HOXD3: variants seen among roughly 807,000 people sequenced by gnomAD.
HOXD3 encodes the protein homeobox D3.
HOXD3 carries 13 observed loss-of-function variants against 32.8 expected under a neutral mutation model. The ratio of observed to expected loss-of-function variants is 0.40; its 90% CI spans 0.26 to 0.63. The LOEUF (loss-of-function observed/expected upper bound fraction) is 0.63, where lower values mean the gene tolerates loss of function less well. HOXD3 is among the 20% of genes least tolerant of loss of function. HOXD3 has a pLI of 0.44. For missense variants in HOXD3, 504 were observed against 577.1 expected, an observed-to-expected ratio of 0.87 and a Z score of 1.30; for synonymous variants, 241 against 246.8, an observed-to-expected ratio of 0.98 and a Z score of 0.22.
At chr2:176,170,103 T>C (rs944291403) in intron 3 of HOXD3, among the ~76,000 whole-genome samples, 1 of 152,124 alleles carries the variant, frequency 6.6e-6, no homozygotes, top group Non-Finnish European at 1.5e-5. Flanking sequence ...TTTCTAAGCA[T>C]TATCTAATTT....
chr2:176,160,554 G>T (rs1209141662), intron 1 of HOXD3, among the ~76,000 whole-genome samples: 1 of 152,220 alleles, frequency 6.6e-6, no homozygotes, highest in Non-Finnish European at 1.5e-5. Context: ...TCCGGGACTG[G>T]GTGGCGTGAA....
intron 1 of HOXD3, among the ~76,000 whole-genome samples, chr2:176,162,651 C>T (rs1690843516): frequency 6.6e-6 from 1 of 152,112 alleles, no homozygotes; most frequent in Non-Finnish European, 1.5e-5. Context: ...AACTTGGGGT[C>T]CTCTTTCCTT....
At chr2:176,170,995 G>C (rs1041546181) in intron 3 of HOXD3, among the ~76,000 whole-genome samples, 3 of 152,068 alleles carry the variant, frequency 2.0e-5, no homozygotes, top group African/African-American at 7.2e-5. Flanking sequence ...GCAGTGGGGC[G>C]CCAAGATCTC....
At chr2:176,160,592 C>G (rs1253722380) in intron 1 of HOXD3, among the ~76,000 whole-genome samples, 1 of 152,242 alleles carries the variant, frequency 6.6e-6, no homozygotes, top group Non-Finnish European at 1.5e-5. Context: ...GTACAAGCTT[C>G]CCTCGGGGTC....
In HOXD3 at chr2:176,171,758, G is replaced by C. The variant is rs1047976959; in HGVS notation, c.783G>C (p.Ser261=). Residue 261 remains serine, a synonymous_variant, in exon 4 of 4, where the codon TCG becomes TCC. Transcript: ENST00000683222. The stretch of plus-strand genomic sequence containing the variant: ...AGAAGGCCAAGGGCATCCTGCACTC[G>C]CCGGCTAGCCAGTCCCCTGAGCGCA... ...KDQKAKGILH[S]PASQSPERSP... is the part of the protein sequence containing the mutation. 1 of 1,613,696 alleles carries C rather than the reference G, an allele frequency of 6.2e-7. No individual in the cohort carries two copies. Among genetic ancestry groups the C allele is most frequent in the Non-Finnish European group, 8.5e-7 (1 of 1,179,980 alleles).
rs1472218116 is a variant in HOXD3 at position 176,172,126 on chromosome 2, C to T, written c.1151C>T (p.Ser384Leu). Reference protein sequence around the residue: ...FNLGHLSHPSSASVDYSCAAQ... With the variant: ...FNLGHLSHPSLASVDYSCAAQ... ...CTGGGCCACCTCTCGCACCCGTCGT[C>T]GGCCAGCGTGGACTACAGTTGCGCC... Residue 384 changes from serine to leucine, a missense_variant, in exon 4 of 4, where the codon TCG becomes TTG. Ser to Leu is a moderately radical substitution (Grantham distance 145). Around this residue, in one of 3 missense-constraint regions of HOXD3, gnomAD observed 226 missense variants for 246.9 expected, o/e 0.92. Transcript: ENST00000683222. 2 of 1,613,134 alleles carry T rather than the reference C, an allele frequency of 1.2e-6. No individual in the cohort carries two copies. Among genetic ancestry groups the T allele is most frequent in the African/African-American group, 2.7e-5 (2 of 75,062 alleles).
At chr2:176,170,897 G>GTTTT (rs11437853) in intron 3 of HOXD3, among the ~76,000 whole-genome samples, 2 of 150,540 alleles carry the variant, frequency 1.3e-5, no homozygotes, top group African/African-American at 2.4e-5. Flanking sequence ...CCCAGGCAGT[G>GTTTT]TTTTTTTTTG....
chr2:176,154,848 C>T (rs1690612409), upstream of HOXD3, among the ~76,000 whole-genome samples: 1 of 152,222 alleles, frequency 6.6e-6, no homozygotes, highest in African/African-American at 2.4e-5. Flanking sequence ...GTGCATTATT[C>T]ACATCATTGT....
chr2:176,165,631 G>A, intron 2 of HOXD3: 1 of 152,566 alleles, frequency 6.6e-6, no homozygotes, highest in Non-Finnish European at 1.5e-5. Flanking sequence ...TGGGGAGGCT[G>A]CCCTGGCCAG....
upstream of HOXD3, chr2:176,152,899 AGCCGATG>A: frequency 6.2e-7 from 1 of 1,614,194 alleles, no homozygotes; most frequent in South Asian, 1.1e-5. This position sits in a 1 kb window ranked among gnomAD's most constrained non-coding sequence, Gnocchi z 5.2. Flanking sequence ...CAGCATTTAC[AGCCGATG>A]GCCAAAGACC....
At chr2:176,152,682 G>GA, upstream of HOXD3, 7 of 1,614,192 alleles carry the variant, frequency 4.3e-6, no homozygotes, top group Non-Finnish European at 5.9e-6. This position sits in a 1 kb window ranked among gnomAD's most constrained non-coding sequence, Gnocchi z 5.2. Context: ...CCTAGAACTG[G>GA]AAAAAGAATT....
intron 2 of HOXD3, among the ~76,000 whole-genome samples, chr2:176,168,271 A>AAAAC (rs1408848666): frequency 1.3e-5 from 2 of 151,132 alleles, no homozygotes; most frequent in South Asian, 2.1e-4. Context: ...CAAAAAAAAA[A>AAAAC]AAAAAAAAAC....
upstream of HOXD3, among the ~76,000 whole-genome samples, chr2:176,156,681 A>G (rs1690651578): frequency 6.6e-6 from 1 of 152,066 alleles, no homozygotes; most frequent in Non-Finnish European, 1.5e-5. Context: ...AGGCAACAAT[A>G]AACACTCCCC....
In HOXD3 at chr2:176,169,372, C is replaced by T. The variant is rs768961323; in HGVS notation, c.258C>T (p.Leu86=). Residue 86 remains leucine (L), a synonymous_variant, in exon 3 of 4, where the codon CTC becomes CTT. Transcript: ENST00000683222. ...CCCCAGCCCACAAAGGAGCTGAACT[C>T]AATGGCAGCTGCATGCGGCCGGGCA... ...LRAPAHKGAE[L]NGSCMRPGTG... is the part of the protein sequence containing the mutation. 6 of 1,614,020 alleles carry T rather than the reference C, an allele frequency of 3.7e-6. No individual in the cohort carries two copies. The highest frequency in any genetic ancestry group is 5.1e-6 in the Non-Finnish European group (6 of 1,179,966).
rs772642723 is a variant in HOXD3, at chr2:176,171,599, A to G, written c.624A>G (p.Glu208=). The change falls in exon 4 of 4, where the codon GAA becomes GAG. Residue 208 remains glutamate, a synonymous_variant. Transcript: ENST00000683222. ...CATACACGAGCGCGCAGCTGGTGGA[A>G]TTGGAAAAGGAATTCCACTTCAACC... The part of the protein sequence containing the change: ...RTAYTSAQLV[E]LEKEFHFNRY... 1.2e-6 allele frequency: 2 copies of G among 1,614,118 alleles called. No homozygotes were observed. Among genetic ancestry groups the G allele is most frequent in the Non-Finnish European group, 1.7e-6 (2 of 1,179,980 alleles).
upstream of HOXD3, chr2:176,153,071 C>T (rs1690577287): frequency 1.1e-6 from 1 of 883,982 alleles, no homozygotes; most frequent in Admixed American, 2.1e-5. Context: ...AAGCAGGCCG[C>T]CCTCGGACTA....
At chr2:176,153,123 G>GGT, upstream of HOXD3, 1 of 355,884 alleles carries the variant, frequency 2.8e-6, no homozygotes, top group Non-Finnish European at 5.5e-6. Flanking sequence ...CCTAGAGCGG[G>GGT]ATGGGGATGG....
At chr2:176,167,806 T>C in intron 2 of HOXD3, among the ~76,000 whole-genome samples, 1 of 151,356 alleles carries the variant, frequency 6.6e-6, no homozygotes, top group Non-Finnish European at 1.5e-5. Flanking sequence ...ATCCACTTAT[T>C]AATTCACCTA....
intron 1 of HOXD3, among the ~76,000 whole-genome samples, chr2:176,162,193 G>T (rs1426725945): frequency 5.3e-5 from 8 of 152,346 alleles, no homozygotes; most frequent in African/African-American, 1.7e-4. Context: ...ACTGAAAGTC[G>T]CTGGACATTT....
Sources: allele counts gnomAD v4.1 joint callset (sites outside exome capture counted in the v4.1 genomes callset), GRCh38; gene constraint gnomAD v4.1.1; regional missense constraint gnomAD v4.1.1; non-coding constraint Gnocchi (gnomAD v3.1); transcripts MANE v1.5; gene names NCBI Gene and HGNC (gene_info 2026-07-23, HGNC 2026-07-21).